SCN2A: variants seen among roughly 807,000 people sequenced by gnomAD.
SCN2A encodes the protein sodium voltage-gated channel alpha subunit 2.
In SCN2A, 20 loss-of-function variants were observed where a neutral mutation model predicts 188.7. That is an observed-to-expected ratio of 0.11 (90% CI 0.07 to 0.15). The LOEUF (loss-of-function observed/expected upper bound fraction) is 0.15, where lower values mean the gene tolerates loss of function less well. Among genes scored for constraint, SCN2A ranks in the 10% least tolerant of loss-of-function variants. The pLI, the probability that SCN2A is intolerant of heterozygous loss-of-function variation, is 1.00. For missense variants in SCN2A, 1,278 were observed against 2,445.0 expected (o/e 0.52, Z 10.07); for synonymous variants, 804 against 833.1 (o/e 0.97, Z 0.60).
chr2:165,252,606 G>T (rs1694143495), intron 1 of SCN2A, among the ~76,000 whole-genome samples: 1 of 148,934 alleles, frequency 6.7e-6, no homozygotes, highest in Admixed American at 6.8e-5. Context: ...TTTTTACATG[G>T]GATTGTGACA....
chr2:165,325,821 T>A (rs1489538296), intron 12 of SCN2A, among the ~76,000 whole-genome samples: 1 of 152,176 alleles, frequency 6.6e-6, no homozygotes, highest in Non-Finnish European at 1.5e-5. Context: ...TTAGTGACAA[T>A]CATATGCAAT....
At position 165,314,056 on chromosome 2, in the gene SCN2A, C is replaced by G; in HGVS notation, c.1331C>G (p.Ala444Gly). 1 of 1,613,694 alleles carries G rather than the reference C, an allele frequency of 6.2e-7. No individual in the cohort carries two copies. The highest frequency in any genetic ancestry group is 1.1e-5 in the South Asian group (1 of 91,074). The change falls in exon 10 of 27, where the codon GCT (alanine) becomes GGT (glycine). Residue 444 changes from alanine (A) to glycine (G), a missense_variant. Physicochemically the swap from Ala to Gly is moderately conservative, Grantham distance 60. Transcript: ENST00000375437. ...TTGGAAGAGGCTGAACAGAAGGAAG[C>G]TGAATTTCAGCAGATGCTCGAACAG... ...ATLEEAEQKE[A>G]EFQQMLEQLK...
rs1244363260 is a variant in SCN2A, at chr2:165,390,052, C to G, written c.*228C>G. 1.7e-6 allele frequency: 1 copy of G among 600,792 alleles called. No homozygotes were observed. Among genetic ancestry groups the G allele is most frequent in the Non-Finnish European group, 2.7e-6 (1 of 364,548 alleles). 37.2% of individuals were successfully genotyped at this position (600,792 alleles called of 1,614,324 possible). On this transcript the variant is annotated 3_prime_UTR_variant, in exon 27 of 27. Transcript: ENST00000375437. ...GGGAGGTTTCTATTTTCACAACCAG[C>G]TGACACTGCTGAAGAGCAGAGGCGT...
At chr2:165,341,402 G>A (rs1053705439) in intron 14 of SCN2A, among the ~76,000 whole-genome samples, 1 of 152,156 alleles carries the variant, frequency 6.6e-6, no homozygotes, top group African/African-American at 2.4e-5. Flanking sequence ...CCACAGTGGT[G>A]ATATTTTTAA....
At chr2:165,329,438 C>T (rs1015297936) in intron 13 of SCN2A, among the ~76,000 whole-genome samples, 2 of 152,126 alleles carry the variant, frequency 1.3e-5, no homozygotes, top group African/African-American at 4.8e-5. Context: ...CTGCAGTTCT[C>T]TCCTGAATGC....
chr2:165,372,971 G>A, intron 20 of SCN2A: 1 of 357,214 alleles, frequency 2.8e-6, no homozygotes, highest in Non-Finnish European at 5.2e-6. Context: ...GCACATATAT[G>A]GGCTTCTTTT....
Position 165,331,531 on chromosome 2 carries a change from C to T in SCN2A, c.2351C>T (p.Thr784Met), listed in dbSNP as rs758872788. ...ATGGCTATGGAGCACTATCCCATGA[C>T]GGAGCAGTTCAGCAGTGTACTGTCT... The part of the protein sequence containing the change: ...LFMAMEHYPM[T>M]EQFSSVLSVG... The change falls in exon 14 of 27, where the codon ACG becomes ATG. Residue 784 changes from threonine to methionine, a missense_variant. Thr to Met is a moderately conservative substitution (Grantham distance 81). Transcript: ENST00000375437. The T allele has an allele frequency of 2.5e-6, 4 of 1,613,616 alleles. No individual in the cohort carries two copies. The highest frequency in any genetic ancestry group is 1.1e-5 in the South Asian group (1 of 91,070).
chr2:165,284,252 G>C (rs1003439446), intron 1 of SCN2A, among the ~76,000 whole-genome samples: 5 of 151,916 alleles, frequency 3.3e-5, no homozygotes, highest in African/African-American at 1.2e-4. Flanking sequence ...CTCACTGCAA[G>C]CTCCGCCTCC....
chr2:165,278,441 C>G (rs1382398620), intron 1 of SCN2A, among the ~76,000 whole-genome samples: 1 of 152,124 alleles, frequency 6.6e-6, no homozygotes, highest in Non-Finnish European at 1.5e-5. Flanking sequence ...GAGGGGAGAG[C>G]CCCTTATAAA....
chr2:165,331,755 T>C (rs1261972534), intron 14 of SCN2A, among the ~76,000 whole-genome samples, 187 bp downstream of exon 14: 1 of 152,196 alleles, frequency 6.6e-6, no homozygotes, highest in African/African-American at 2.4e-5. Flanking sequence ...AAAGAATTTA[T>C]GTACAATTTG....
chr2:165,283,540 C>T (rs1272835333), intron 1 of SCN2A, among the ~76,000 whole-genome samples: 6 of 152,278 alleles, frequency 3.9e-5, no homozygotes, highest in South Asian at 2.1e-4. Flanking sequence ...AAACAACTTC[C>T]GCTTTCTGGC....
At position 165,295,887 on chromosome 2, in the gene SCN2A, C is replaced by T. The variant is rs1449575863; in HGVS notation, c.64C>T (p.Leu22Phe). Residue 22 changes from leucine (L) to phenylalanine (F), a missense_variant, in exon 2 of 27, where the codon CTT becomes TTT. By Grantham distance (22) the Leu-to-Phe change is conservative. This residue lies in a region of SCN2A where 141 missense variants were observed against 185.4 expected (regional missense o/e 0.76). Coordinates refer to ENST00000375437, the MANE Select transcript of SCN2A (RefSeq NM_001040142.2). ...CTTCCGCTTCTTTACCAGGGAATCC[C>T]TTGCTGCTATTGAACAACGCATTGC... ...DSFRFFTRES[L>F]AAIEQRIAEE... The T allele has an allele frequency of 1.2e-6, 2 of 1,614,178 alleles. No individual in the cohort carries two copies. The highest frequency in any genetic ancestry group is 1.7e-5 in the Admixed American group (1 of 59,998).
At chr2:165,244,179 T>C (rs1425595236) in intron 1 of SCN2A, among the ~76,000 whole-genome samples, 2 of 151,850 alleles carry the variant, frequency 1.3e-5, no homozygotes, top group African/African-American at 2.4e-5. Context: ...GAGGCGGAGG[T>C]TGCAGTGGAC....
intron 1 of SCN2A, among the ~76,000 whole-genome samples, chr2:165,292,503 C>T (rs1696266152): frequency 6.6e-6 from 1 of 152,072 alleles, no homozygotes; most frequent in African/African-American, 2.4e-5. Context: ...TTATAGTCCA[C>T]GGTGTCTCTT....
In SCN2A at chr2:165,271,648, T is replaced by C. The variant is rs184438908; in HGVS notation, c.-51-24125T>C. The C allele has an allele frequency of 6.6e-5, 10 of 152,276 alleles. No individual in the cohort carries two copies. The East Asian group carries it at 1.7e-3, about 26-fold the overall frequency. The allele number at this position is 152,276 out of a possible 1,614,324, so 9.4% of individuals were successfully genotyped here. A position where few individuals can be genotyped will look rare whatever the true frequency, so the allele number is the denominator to read the frequency against. Reference sequence around the variant, plus strand: ...ATTACTTTGAGTTTTGACAAATGTATTCCCCTGTCTGGCAACTGCTCCAAT... The same window carrying C: ...ATTACTTTGAGTTTTGACAAATGTACTCCCCTGTCTGGCAACTGCTCCAAT... On this transcript the variant is annotated intron_variant, in intron 1 of 26. Transcript: ENST00000375437.
intron 15 of SCN2A, among the ~76,000 whole-genome samples, chr2:165,343,324 C>A (rs1317468224): frequency 6.6e-6 from 1 of 152,098 alleles, no homozygotes; most frequent in Non-Finnish European, 1.5e-5. Flanking sequence ...ATCCTTAGAA[C>A]TATATTTCCT....
chr2:165,291,575 T>TTC lies in SCN2A; in HGVS notation c.-51-4174_-51-4173dup, dbSNP rs762280674. 2.2e-3 allele frequency among the ~76,000 whole-genome samples: 157 copies of TTC among 70,550 alleles called. 2 individuals are homozygous for TTC. The highest frequency in any genetic ancestry group is 9.5e-3 in the South Asian group (19 of 1,990). The allele number at this position is 70,550 out of a possible 152,430, so 46.3% of individuals were successfully genotyped here. A position where few individuals can be genotyped will look rare whatever the true frequency, so the allele number is the denominator to read the frequency against. On this transcript the variant is annotated intron_variant, in intron 1 of 26. Transcript: ENST00000375437. ...TTCCTTCCTTCCTTCCTTCCTTCCT[T>TTC]TCTCTCTCTCTCTCTCTCTCTCTCT...
intron 1 of SCN2A, chr2:165,294,021 A>AAG: frequency 2.3e-6 from 2 of 872,312 alleles, no homozygotes; most frequent in Non-Finnish European, 2.7e-6. Context: ...AAAAAAAAAA[A>AAG]AAAAAAAAAA....
rs1417253514 is a variant in SCN2A at position 165,390,640 on chromosome 2, A to G, written c.*816A>G. 6.6e-6 allele frequency: 1 copy of G among 152,422 alleles called. No homozygotes were observed. Among genetic ancestry groups the G allele is most frequent in the Non-Finnish European group, 1.5e-5 (1 of 68,032 alleles). The allele number at this position is 152,422 out of a possible 1,614,324, so 9.4% of individuals were successfully genotyped here. Reference sequence around the variant, plus strand: ...TATGTATATGTGCGTGTATATACATATATATGTATACACACATGCACACAC... The same window carrying G: ...TATGTATATGTGCGTGTATATACATGTATATGTATACACACATGCACACAC... On this transcript the variant is annotated 3_prime_UTR_variant, in exon 27 of 27. Coordinates refer to ENST00000375437, the MANE Select transcript of SCN2A (RefSeq NM_001040142.2).
Sources: gnomAD v4.1 joint callset for allele counts (sites outside exome capture counted in the v4.1 genomes callset) on GRCh38, gnomAD v4.1.1 for gene constraint, gnomAD v4.1.1 regional missense constraint, MANE v1.5 for transcripts, NCBI Gene and HGNC (gene_info 2026-07-23, HGNC 2026-07-21) for gene names.